The following NEGR1 variants were observed in gnomAD, a reference collection of about 807,000 sequenced individuals.
The protein encoded by NEGR1 is neuronal growth regulator 1, also known as IgLON family member 4.
NEGR1 carries 10 observed loss-of-function variants against 40.9 expected under a neutral mutation model. That is an observed-to-expected ratio of 0.24 (90% CI 0.15 to 0.42). The LOEUF is 0.42. NEGR1 is among the 10% of genes least tolerant of loss of function. NEGR1 has a pLI of 1.00. For missense variants in NEGR1, 352 were observed against 438.9 expected, an observed-to-expected ratio of 0.80 and a Z score of 1.77; for synonymous variants, 185 against 166.8, an observed-to-expected ratio of 1.11 and a Z score of -0.84.
chr1:71,444,964 A>G (rs1646571157), intron 6 of NEGR1, among the ~76,000 whole-genome samples: 1 of 152,202 alleles, frequency 6.6e-6, no homozygotes, highest in Non-Finnish European at 1.5e-5. Context: ...GCTCAGGCAT[A>G]TAAATGGACA....
At chr1:72,084,524 T>A (rs1472340635) in intron 1 of NEGR1, among the ~76,000 whole-genome samples, 1 of 152,196 alleles carries the variant, frequency 6.6e-6, no homozygotes, top group Non-Finnish European at 1.5e-5. Flanking sequence ...TTTTTTGTTT[T>A]TTGCTATGTA....
chr1:72,037,093 T>G (rs1049755581), intron 1 of NEGR1, among the ~76,000 whole-genome samples: 9 of 152,172 alleles, frequency 5.9e-5, no homozygotes, highest in African/African-American at 2.2e-4. Flanking sequence ...GACTTCTACA[T>G]TTATCACTGT....
At chr1:71,578,657 C>G (rs943692422) in intron 6 of NEGR1, among the ~76,000 whole-genome samples, 1 of 151,946 alleles carries the variant, frequency 6.6e-6, no homozygotes, top group Non-Finnish European at 1.5e-5. Flanking sequence ...TTGAAACATC[C>G]TGTATAATTT....
At chr1:71,741,839 G>A (rs997837107) in intron 3 of NEGR1, among the ~76,000 whole-genome samples, 3 of 152,278 alleles carry the variant, frequency 2.0e-5, no homozygotes, top group East Asian at 1.9e-4. Flanking sequence ...TACATGGCTA[G>A]AGCGGGAGCA....
chr1:72,134,625 A>C (rs541134235), intron 1 of NEGR1, among the ~76,000 whole-genome samples: 1 of 129,438 alleles, frequency 7.7e-6, no homozygotes, highest in Non-Finnish European at 1.6e-5. Flanking sequence ...TATAAGATCT[A>C]GATAAGATTA....
intron 1 of NEGR1, among the ~76,000 whole-genome samples, chr1:72,136,906 A>C (rs1332419581): frequency 6.6e-6 from 1 of 152,152 alleles, no homozygotes; most frequent in Non-Finnish European, 1.5e-5. Context: ...AAGAAAAAAA[A>C]CAAACAACCC....
intron 1 of NEGR1, among the ~76,000 whole-genome samples, chr1:72,230,409 A>C (rs1654325549): frequency 6.6e-6 from 1 of 152,156 alleles, no homozygotes. Context: ...TGTTGCTAGA[A>C]ACTGATTTAC....
chr1:72,052,532 A>T (rs1268801118), intron 1 of NEGR1, among the ~76,000 whole-genome samples: 1 of 151,466 alleles, frequency 6.6e-6, no homozygotes, highest in Non-Finnish European at 1.5e-5. Flanking sequence ...TTCCAATCAA[A>T]AACAGGACAA....
chr1:72,248,575 TTTATTA>T (rs201326223), intron 1 of NEGR1, among the ~76,000 whole-genome samples: 2,120 of 132,932 alleles, frequency 0.016, 31 homozygotes, highest in African/African-American at 0.047. Context: ...TCTATTTTTA[TTTATTA>T]TTATTATTAT....
Position 71,404,796 on chromosome 1 carries a change from T to C in NEGR1, c.*2650A>G, listed in dbSNP as rs1209888728. The C allele has an allele frequency of 6.6e-6, 1 of 152,242 alleles. No homozygotes were observed. The highest frequency in any genetic ancestry group is 1.5e-5 in the Non-Finnish European group (1 of 67,772). 9.4% of individuals were successfully genotyped at this position (152,242 alleles called of 1,614,324 possible). On this transcript the variant is annotated 3_prime_UTR_variant, in exon 7 of 7. Coordinates refer to ENST00000357731, the MANE Select transcript of NEGR1 (RefSeq NM_173808.3). ...TTATAGATTAAAAGATAAATCAATT[T>C]ATAAAACTGCTATTCTGAAATTGCA...
At chr1:71,998,777 A>G (rs367695095) in intron 1 of NEGR1, among the ~76,000 whole-genome samples, 2 of 151,310 alleles carry the variant, frequency 1.3e-5, no homozygotes, top group East Asian at 1.9e-4. Context: ...TCAACTATAT[A>G]TTGGATGTAT....
At chr1:71,690,823 T>C (rs1346907396) in intron 4 of NEGR1, among the ~76,000 whole-genome samples, 3 of 151,984 alleles carry the variant, frequency 2.0e-5, no homozygotes, top group Non-Finnish European at 2.9e-5. Flanking sequence ...TATTACTTCA[T>C]GTATATTTTT....
intron 3 of NEGR1, among the ~76,000 whole-genome samples, chr1:71,774,237 G>C (rs990908046): frequency 1.3e-5 from 2 of 152,126 alleles, no homozygotes; most frequent in Non-Finnish European, 2.9e-5. Context: ...GATGAATAAG[G>C]AACTTGTCTT....
intron 6 of NEGR1, among the ~76,000 whole-genome samples, chr1:71,553,156 C>T (rs763621445): frequency 2.8e-4 from 42 of 151,404 alleles, no homozygotes; most frequent in Non-Finnish European, 4.7e-4. Flanking sequence ...ATTTGAACTG[C>T]ATTTCTTACT....
chr1:71,783,170 C>A (rs760801168), intron 2 of NEGR1, among the ~76,000 whole-genome samples: 1 of 152,034 alleles, frequency 6.6e-6, no homozygotes, highest in Admixed American at 6.6e-5. Flanking sequence ...ACAAGCTAGA[C>A]GTAACTATAA....
chr1:72,096,519 G>A (rs1460159282), intron 1 of NEGR1, among the ~76,000 whole-genome samples: 1 of 151,542 alleles, frequency 6.6e-6, no homozygotes, highest in African/African-American at 2.4e-5. Context: ...TTTGTATATA[G>A]ATCAGAAAAT....
chr1:71,576,250 T>C (rs1409784155), intron 6 of NEGR1, among the ~76,000 whole-genome samples: 5 of 152,190 alleles, frequency 3.3e-5, no homozygotes, highest in Non-Finnish European at 7.3e-5. Flanking sequence ...TGGCTGCTGT[T>C]TTGGGTTTTT....
At chr1:71,774,322 A>G (rs533935279) in intron 3 of NEGR1, among the ~76,000 whole-genome samples, 1 of 152,294 alleles carries the variant, frequency 6.6e-6, no homozygotes, top group East Asian at 1.9e-4. Context: ...CCATGAATTT[A>G]AGTGCTCACA....
chr1:72,061,755 G>T (rs1335068643), intron 1 of NEGR1, among the ~76,000 whole-genome samples: 1 of 151,812 alleles, frequency 6.6e-6, no homozygotes, highest in African/African-American at 2.4e-5. Flanking sequence ...TATTGTTGAT[G>T]TAGATTTTCT....
Sources: allele counts gnomAD v4.1 joint callset (sites outside exome capture counted in the v4.1 genomes callset), GRCh38; gene constraint gnomAD v4.1.1; transcripts MANE v1.5; gene names NCBI Gene and HGNC (gene_info 2026-07-23, HGNC 2026-07-21).